OAS2: variants seen among roughly 807,000 people sequenced by gnomAD.
OAS2 encodes the protein 2'-5'-oligoadenylate synthetase 2.
OAS2 carries 67 observed loss-of-function variants against 71.3 expected under a neutral mutation model. The observed-to-expected ratio is 0.94, with a 90% CI of 0.77 to 1.15. The LOEUF (loss-of-function observed/expected upper bound fraction) is 1.15. Among genes scored for constraint, OAS2 ranks in the 50% most tolerant of loss-of-function variants. The pLI, the probability that OAS2 is intolerant of heterozygous loss-of-function variation, is 0.00. For synonymous variants in OAS2, 327 were observed against 321.8 expected (o/e 1.02, Z -0.17); for missense variants, 789 against 822.5 (o/e 0.96, Z 0.50).
rs1482804135 is a variant in OAS2 at position 112,997,600 on chromosome 12, G to T, written c.708G>T (p.Gly236=). 2 of 1,614,164 alleles carry T rather than the reference G, an allele frequency of 1.2e-6. No individual in the cohort carries two copies. Among genetic ancestry groups the T allele is most frequent in the East Asian group, 4.5e-5 (2 of 44,892 alleles). ...ELLTVYAWEQ[G]CRKDNFDIAE... ...TTACGGTGTATGCCTGGGAACAGGG[G>T]TGCAGAAAAGACAACTTTGACATTG... Residue 236 remains glycine (G), a synonymous_variant, in exon 4 of 10, where the codon GGG becomes GGT. Transcript: ENST00000392583.
chr12:112,995,463 T>G lies in OAS2; in HGVS notation c.616T>G (p.Trp206Gly). ...LKDLILLIKH[W>G]HQQCQKKIKD... ...GGATTTGATCCTCTTGATAAAGCACTGGCATCAACAGGTAATTTTCCAACT... is the reference window on the plus strand; with the variant it reads ...GGATTTGATCCTCTTGATAAAGCACGGGCATCAACAGGTAATTTTCCAACT... Residue 206 changes from tryptophan (W) to glycine (G), a missense_variant, in exon 3 of 10, where the codon TGG (tryptophan) becomes GGG (glycine). Coordinates refer to ENST00000392583, the MANE Select transcript of OAS2 (RefSeq NM_002535.3). 3.1e-6 allele frequency: 5 copies of G among 1,612,182 alleles called. No individual in the cohort carries two copies. The highest frequency in any genetic ancestry group is 1.3e-5 in the African/African-American group (1 of 74,878).
intron 1 of OAS2, among the ~76,000 whole-genome samples, chr12:112,984,950 T>A (rs2044119726): frequency 6.6e-6 from 1 of 152,104 alleles, no homozygotes; most frequent in South Asian, 2.1e-4. Flanking sequence ...AAAGGGTTTT[T>A]TTTTAGCACT....
At chr12:112,983,317 C>G (rs1347821488) in intron 1 of OAS2, among the ~76,000 whole-genome samples, 1 of 152,162 alleles carries the variant, frequency 6.6e-6, no homozygotes, top group Admixed American at 6.5e-5. Context: ...CCTCTGCCCC[C>G]TGGGTTCAAG....
Position 112,978,858 on chromosome 12 carries a change from G to A in OAS2, c.177+73G>A. On this transcript the variant is annotated intron_variant, in intron 1 of 9. Coordinates refer to ENST00000392583, the MANE Select transcript of OAS2 (RefSeq NM_002535.3). The surrounding 1 kb of genome is among the most constrained non-coding windows in gnomAD (Gnocchi z 4.2). Reference sequence around the variant, plus strand: ...GGCGGCAGCAAGGCCGAGCTACTGGGTGCTGGGTGCCTATTATGTGCGAGG... The same window carrying A: ...GGCGGCAGCAAGGCCGAGCTACTGGATGCTGGGTGCCTATTATGTGCGAGG... 2 of 1,443,708 alleles carry A rather than the reference G, an allele frequency of 1.4e-6. No homozygotes were observed. The allele number at this position is 1,443,708 out of a possible 1,614,324, so 89.4% of individuals were successfully genotyped here. A position where few individuals can be genotyped will look rare whatever the true frequency, so the allele number is the denominator to read the frequency against.
Position 113,005,007 on chromosome 12 carries a change from T to C in OAS2, c.1253T>C (p.Leu418Pro). ...GATCTCGTCGTGTTCCATAACTCAC[T>C]TAAAAGCTACACCTCCCAAAAAAAC... ...DADLVVFHNS[L>P]KSYTSQKNER... is the part of the protein sequence containing the mutation. Residue 418 changes from leucine (L) to proline (P), a missense_variant, in exon 7 of 10, where the codon CTT (leucine) becomes CCT (proline). Leu to Pro is a moderately conservative substitution (Grantham distance 98). Coordinates refer to ENST00000392583, the MANE Select transcript of OAS2 (RefSeq NM_002535.3). 6.2e-7 allele frequency: 1 copy of C among 1,614,112 alleles called. No homozygotes were observed. Among genetic ancestry groups the C allele is most frequent in the South Asian group, 1.1e-5 (1 of 91,080 alleles).
intron 2 of OAS2, among the ~76,000 whole-genome samples, chr12:112,991,996 G>A (rs532129524): frequency 6.6e-6 from 1 of 151,958 alleles, no homozygotes; most frequent in Middle Eastern, 3.4e-3. Context: ...ATGGATGGAT[G>A]GATAGATAGA....
At chr12:113,008,314 TATCC>T (rs1341478046) in intron 9 of OAS2, among the ~76,000 whole-genome samples, 9 of 152,138 alleles carry the variant, frequency 5.9e-5, no homozygotes, top group Admixed American at 3.3e-4. Flanking sequence ...TAAGAAATCA[TATCC>T]ATCTGCTTAG....
intron 5 of OAS2, among the ~76,000 whole-genome samples, chr12:113,000,821 A>G (rs1483080314): frequency 6.6e-6 from 1 of 152,210 alleles, no homozygotes; most frequent in African/African-American, 2.4e-5. Flanking sequence ...GTTGGCAATG[A>G]ATATTCCTTC....
rs976820742 is a variant in OAS2, at chr12:112,982,707, T to A, written c.177+3922T>A. On this transcript the variant is annotated intron_variant, in intron 1 of 9. Coordinates refer to ENST00000392583, the MANE Select transcript of OAS2 (RefSeq NM_002535.3). ...CTTCATAGAAGTGGTTAGGAGTAAT[T>A]CCCTCCTCTTCAATTTTTTTGGAAT... Among the ~76,000 whole-genome samples the A allele has an allele frequency of 3.3e-5, 5 of 152,216 alleles. No individual in the cohort carries two copies. The East Asian group carries it at 9.6e-4, about 29-fold the overall frequency.
chr12:112,984,543 G>C (rs1209861561), intron 1 of OAS2, among the ~76,000 whole-genome samples: 1 of 152,108 alleles, frequency 6.6e-6, no homozygotes, highest in Non-Finnish European at 1.5e-5. Context: ...CTTTTAACTA[G>C]AGAATTTAAA....
intron 2 of OAS2, chr12:112,988,400 G>A (rs1403169324): frequency 2.2e-5 from 7 of 321,954 alleles, no homozygotes; most frequent in Non-Finnish European, 2.7e-5. Flanking sequence ...GAAAATGAAA[G>A]TGAGGTACAG....
chr12:113,008,419 G>A (rs1253426834), intron 9 of OAS2, among the ~76,000 whole-genome samples: 1 of 152,168 alleles, frequency 6.6e-6, no homozygotes, highest in Non-Finnish European at 1.5e-5. Context: ...GGAGAAGTAA[G>A]AGAGAAGGAG....
chr12:112,981,408 G>A (rs2044081306), intron 1 of OAS2, among the ~76,000 whole-genome samples: 1 of 151,988 alleles, frequency 6.6e-6, no homozygotes, highest in Non-Finnish European at 1.5e-5. Flanking sequence ...ATGACAGACG[G>A]GGGCCTAGTT....
chr12:112,986,747 G>T (rs1041584400), intron 1 of OAS2, among the ~76,000 whole-genome samples: 1 of 151,930 alleles, frequency 6.6e-6, no homozygotes, highest in African/African-American at 2.4e-5. Context: ...GGCAGGTGAG[G>T]CGATCCTATC....
intron 8 of OAS2, among the ~76,000 whole-genome samples, 180 bp from the exon 9 acceptor site, chr12:113,007,525 A>C (rs953230182): frequency 6.6e-6 from 1 of 152,220 alleles, no homozygotes; most frequent in South Asian, 2.1e-4. Flanking sequence ...CACAACAAAG[A>C]AACTCAAATG....
rs1411545965 is a variant in OAS2, at chr12:113,010,300, T to C, written c.*1045T>C. The C allele has an allele frequency of 5.9e-6, 9 of 1,516,132 alleles. No homozygotes were observed. The highest frequency in any genetic ancestry group is 5.4e-5 in the South Asian group (4 of 74,466). 93.9% of individuals were successfully genotyped at this position (1,516,132 alleles called of 1,614,324 possible). A position where few individuals can be genotyped will look rare whatever the true frequency, so the allele number is the denominator to read the frequency against. ...TTCCCAGATACAGGTCCCCCCTTTT[T>C]TCCCCTAACTCTTTTAAGCAATGAT... is the stretch of plus-strand genomic sequence containing the variant. On this transcript the variant is annotated 3_prime_UTR_variant, in exon 10 of 10. Transcript: ENST00000392583.
At chr12:112,984,018 G>A (rs1173491818) in intron 1 of OAS2, among the ~76,000 whole-genome samples, 1 of 152,012 alleles carries the variant, frequency 6.6e-6, no homozygotes, top group Non-Finnish European at 1.5e-5. Flanking sequence ...TAAATAATCT[G>A]CAAATATTCA....
At chr12:112,996,751 C>T (rs943749168) in intron 3 of OAS2, among the ~76,000 whole-genome samples, 32 of 152,100 alleles carry the variant, frequency 2.1e-4, no homozygotes, top group African/African-American at 7.5e-4. Context: ...AAAGGTGGGA[C>T]GTCTCCAAGC....
chr12:113,007,810 A>G lies in OAS2; in HGVS notation c.1762A>G (p.Thr588Ala), dbSNP rs1423861226. The G allele has an allele frequency of 1.2e-6, 2 of 1,614,174 alleles. No individual in the cohort carries two copies. The highest frequency in any genetic ancestry group is 1.7e-5 in the Admixed American group (1 of 60,020). The change falls in exon 9 of 10, where the codon ACT becomes GCT. Residue 588 changes from threonine to alanine, a missense_variant. Coordinates refer to ENST00000392583, the MANE Select transcript of OAS2 (RefSeq NM_002535.3). ...GGGGAGTGGAGTGCCGGATTTTGACACTGCAGAAGGTTTCCGGACAGTCCT... is the reference window on the plus strand; with the variant it reads ...GGGGAGTGGAGTGCCGGATTTTGACGCTGCAGAAGGTTTCCGGACAGTCCT... Reference protein sequence around the residue: ...EQGSGVPDFDTAEGFRTVLEL... With the variant: ...EQGSGVPDFDAAEGFRTVLEL...
Sources: allele counts gnomAD v4.1 joint callset (sites outside exome capture counted in the v4.1 genomes callset), GRCh38; gene constraint gnomAD v4.1.1; non-coding constraint Gnocchi (gnomAD v3.1); transcripts MANE v1.5; gene names NCBI Gene and HGNC (gene_info 2026-07-23, HGNC 2026-07-21).